The following SDK1 variants were observed in gnomAD, a reference collection of about 807,000 sequenced individuals.
SDK1 encodes sidekick cell adhesion molecule 1.
In SDK1, 157 loss-of-function variants were observed where a neutral mutation model predicts 245.5. The ratio of observed to expected loss-of-function variants is 0.64; its 90% CI spans 0.56 to 0.73. The LOEUF is 0.73. SDK1 is among the 30% of genes least tolerant of loss of function. The probability of loss-of-function intolerance (pLI) is 0.00; values close to 1 mark genes in which losing one functional copy is unlikely to be tolerated. For synonymous variants in SDK1, 1,647 were observed against 1,278.5 expected (o/e 1.29, Z -6.15); for missense variants, 3,583 against 3,002.3 (o/e 1.19, Z -4.52).
At chr7:3,510,761 G>T (rs924309127) in intron 1 of SDK1, among the ~76,000 whole-genome samples, 5 of 151,994 alleles carry the variant, frequency 3.3e-5, no homozygotes, top group African/African-American at 1.2e-4. Context: ...TTTAAAGGCT[G>T]CAGACTCTCA....
At chr7:3,338,565 G>T (rs1402791651) in intron 1 of SDK1, 2 of 304,026 alleles carry the variant, frequency 6.6e-6, no homozygotes, top group Non-Finnish European at 1.3e-5. Flanking sequence ...AGGAACCTGA[G>T]CTGCTGGGGT....
chr7:3,496,083 G>A (rs1782016331), intron 1 of SDK1, among the ~76,000 whole-genome samples: 1 of 152,162 alleles, frequency 6.6e-6, no homozygotes, highest in Admixed American at 6.5e-5. Flanking sequence ...GTCTTTAAGA[G>A]CTTGGACCCT....
chr7:4,256,923 C>T lies in SDK1; in HGVS notation c.6382-8201C>T, dbSNP rs1463203482. Among the ~76,000 whole-genome samples the T allele has an allele frequency of 2.0e-5, 3 of 152,334 alleles. 1 individual carries two copies. The highest frequency in any genetic ancestry group is 1.5e-5 in the Non-Finnish European group (1 of 68,044). On this transcript the variant is annotated intron_variant, in intron 44 of 44. Transcript: ENST00000404826. ...TGCTAAAGTGAAAATTCTGCAGATC[C>T]GTTCCCAGGTGCTCAGGAGCCTTCC...
At position 4,245,694 on chromosome 7, in the gene SDK1, C is replaced by A. The variant is rs528720898; in HGVS notation, c.6270C>A (p.Ser2090Arg). The A allele has an allele frequency of 6.2e-7, 1 of 1,614,054 alleles. No homozygotes were observed. The highest frequency in any genetic ancestry group is 1.1e-5 in the South Asian group (1 of 91,080). ...ATCCTAGGTCCCCACCCCGGCCTAG[C>A]CCCGGCGGCCTGCACTACTCAGACG... The part of the protein sequence containing the change: ...KNGTRSPPRP[S>R]PGGLHYSDED... The change falls in exon 44 of 45, where the codon AGC becomes AGA. Residue 2090 changes from serine to arginine, a missense_variant. Physicochemically the swap from Ser to Arg is moderately radical, Grantham distance 110. Coordinates refer to ENST00000404826, the MANE Select transcript of SDK1 (RefSeq NM_152744.4).
At chr7:3,804,503 T>C (rs1286358210) in intron 4 of SDK1, among the ~76,000 whole-genome samples, 1 of 152,240 alleles carries the variant, frequency 6.6e-6, no homozygotes. Context: ...GGTAGACTTA[T>C]TCCTCCCACT....
intron 1 of SDK1, among the ~76,000 whole-genome samples, chr7:3,557,633 C>G (rs944387894): frequency 6.6e-6 from 1 of 152,290 alleles, no homozygotes; most frequent in South Asian, 2.1e-4. Context: ...CAAAGAAATC[C>G]TGGTCCCAGC....
intron 3 of SDK1, among the ~76,000 whole-genome samples, chr7:3,640,981 G>A (rs7788215): frequency 0.029 from 4,374 of 151,740 alleles, 225 homozygotes; most frequent in African/African-American, 0.099. Flanking sequence ...TGTGCTCTGC[G>A]TTTAGATTTT....
chr7:3,882,077 CAA>C (rs566243622), intron 5 of SDK1, among the ~76,000 whole-genome samples: 1 of 152,100 alleles, frequency 6.6e-6, no homozygotes, highest in Admixed American at 6.5e-5. Flanking sequence ...TGGTGGCAGA[CAA>C]GAGAGAAACG....
At chr7:3,482,516 T>C (rs1245661383) in intron 1 of SDK1, among the ~76,000 whole-genome samples, 1 of 151,968 alleles carries the variant, frequency 6.6e-6, no homozygotes, top group Non-Finnish European at 1.5e-5. Context: ...GAGAAAGAAA[T>C]CTCTGCGCAG....
chr7:3,440,405 C>T (rs1009169072), intron 1 of SDK1, among the ~76,000 whole-genome samples: 8 of 152,044 alleles, frequency 5.3e-5, no homozygotes, highest in South Asian at 4.1e-4. Context: ...TGCGAAGGTT[C>T]GGAGTTAAAC....
chr7:4,161,908 T>C (rs1241053753), intron 32 of SDK1, 52 bp downstream of exon 32: 3 of 1,512,908 alleles, frequency 2.0e-6, no homozygotes, highest in Non-Finnish European at 2.8e-6. Context: ...CTCATTTCCC[T>C]GCGCATTCAG....
intron 5 of SDK1, among the ~76,000 whole-genome samples, chr7:3,880,978 G>C (rs988277699): frequency 6.6e-6 from 1 of 152,040 alleles, no homozygotes. Context: ...GTAACAAGCC[G>C]CCCACTCACC....
chr7:4,013,994 G>A (rs560999053), intron 16 of SDK1, among the ~76,000 whole-genome samples: 7 of 152,346 alleles, frequency 4.6e-5, no homozygotes, highest in East Asian at 1.9e-4. Flanking sequence ...GCCTGCGGCC[G>A]AGGGCTCCTG....
At chr7:3,862,499 TG>T (rs1456464314) in intron 5 of SDK1, among the ~76,000 whole-genome samples, 1 of 152,238 alleles carries the variant, frequency 6.6e-6, no homozygotes, top group Non-Finnish European at 1.5e-5. Context: ...TTTGTAACTT[TG>T]TCAGACTTTA....
intron 22 of SDK1, among the ~76,000 whole-genome samples, chr7:4,106,118 A>G (rs1191270345): frequency 6.6e-6 from 1 of 152,070 alleles, no homozygotes; most frequent in South Asian, 2.1e-4. Context: ...AAACTGTTTT[A>G]TGCTCAGCAA....
Position 4,129,976 on chromosome 7 carries a change from G to A in SDK1, c.4008G>A (p.Gln1336=). 2.5e-6 allele frequency: 4 copies of A among 1,613,838 alleles called. No individual in the cohort carries two copies. Among genetic ancestry groups the A allele is most frequent in the Non-Finnish European group, 3.4e-6 (4 of 1,180,000 alleles). The change falls in exon 27 of 45, where the codon CAG becomes CAA. Residue 1336 remains glutamine, a synonymous_variant. Transcript: ENST00000404826. ...ACATCGTGCGAGGGAACCACACGCA[G>A]TCGGCCCTGCTGGCAGGCCTGCGCA... is the stretch of plus-strand genomic sequence containing the variant. ...RSHIVRGNHT[Q]SALLAGLRKF...
rs199591184 is a variant in SDK1, at chr7:3,853,438, A to AT, written c.847+31859dup. On this transcript the variant is annotated intron_variant, in intron 5 of 44. Coordinates refer to ENST00000404826, the MANE Select transcript of SDK1 (RefSeq NM_152744.4). ...GTGTGTGTATGTGTTTAATCAAGTG[A>AT]TTTTAATATTAAAAACTCTGTTAGA... Among the ~76,000 whole-genome samples the AT allele has an allele frequency of 6.8e-3, 1,041 of 152,274 alleles. 10 individuals carry two copies. Among genetic ancestry groups the AT allele is most frequent in the African/African-American group, 0.023 (972 of 41,540 alleles).
At chr7:3,305,647 C>CT (rs1165810527) in intron 1 of SDK1, among the ~76,000 whole-genome samples, 2 of 152,214 alleles carry the variant, frequency 1.3e-5, no homozygotes, top group Admixed American at 1.3e-4. Context: ...GACTCCCTTA[C>CT]TTGAATATCA....
chr7:3,922,481 C>T (rs1051061929), intron 5 of SDK1, among the ~76,000 whole-genome samples: 2 of 152,210 alleles, frequency 1.3e-5, no homozygotes, highest in African/African-American at 4.8e-5. Flanking sequence ...TCACATGGAA[C>T]AAAACTCTCT....
Sources: gnomAD v4.1 joint callset for allele counts (sites outside exome capture counted in the v4.1 genomes callset) on GRCh38, gnomAD v4.1.1 for gene constraint, MANE v1.5 for transcripts, NCBI Gene and HGNC (gene_info 2026-07-23, HGNC 2026-07-21) for gene names.